Variants in MAP7D1 observed in about 807,000 individuals in gnomAD.
The protein encoded by MAP7D1 is MAP7 domain-containing protein 1.
In MAP7D1, 30 loss-of-function variants were observed where a neutral mutation model predicts 97.5. The ratio of observed to expected loss-of-function variants is 0.31; its 90% CI spans 0.23 to 0.42. MAP7D1 has a LOEUF of 0.42. Ranked by LOEUF, MAP7D1 falls within the 10% of genes least tolerant of loss-of-function variation. The probability of loss-of-function intolerance (pLI) is 1.00; values close to 1 mark genes in which losing one functional copy is unlikely to be tolerated. For synonymous variants in MAP7D1, 536 were observed against 477.1 expected (o/e 1.12, Z -1.61); for missense variants, 1,184 against 1,179.5 (o/e 1.00, Z -0.06).
chr1:36,163,522 A>G (rs1415329142), intron 1 of MAP7D1, among the ~76,000 whole-genome samples: 2 of 152,242 alleles, frequency 1.3e-5, no homozygotes, highest in East Asian at 1.9e-4. Context: ...GATTTGCTCC[A>G]TAACACTGTG....
At chr1:36,156,536 G>C (rs1644332005) in intron 1 of MAP7D1, 73 bp downstream of exon 1, 6 of 1,254,916 alleles carry the variant, frequency 4.8e-6, no homozygotes, top group South Asian at 3.9e-5. Context: ...GATGAGGCCG[G>C]CCGGCTGGGC....
rs537317157 is a variant in MAP7D1, at chr1:36,159,054, A to G, written c.46+2591A>G. 7.5e-4 allele frequency among the ~76,000 whole-genome samples: 114 copies of G among 151,368 alleles called. 1 individual carries two copies. Among genetic ancestry groups the G allele is most frequent in the Admixed American group, 5.1e-3 (77 of 15,188 alleles). ...CCATTTGTTATTTATTTATTTATTT[A>G]TTTATTTATTTATTTATTTTGAGAC... On this transcript the variant is annotated intron_variant, in intron 1 of 16. Coordinates refer to ENST00000474796, the MANE Select transcript of MAP7D1 (RefSeq NM_001388490.1). The surrounding 1 kb of genome is among the most constrained non-coding windows in gnomAD (Gnocchi z 5.4).
At position 36,156,355 on chromosome 1, in the gene MAP7D1, C is replaced by T; in HGVS notation, c.-63C>T. 7.1e-7 allele frequency: 1 copy of T among 1,418,032 alleles called. No individual in the cohort carries two copies. The highest frequency in any genetic ancestry group is 3.0e-5 in the East Asian group (1 of 33,290). 87.8% of individuals were successfully genotyped at this position (1,418,032 alleles called of 1,614,324 possible). On this transcript the variant is annotated 5_prime_UTR_variant, in exon 1 of 17. Coordinates refer to ENST00000474796, the MANE Select transcript of MAP7D1 (RefSeq NM_001388490.1). ...CGTGATGCGCCGCGGGACCCCTGTC[C>T]TGGCCACTGGCCGCCGCCGCCGCCG...
Position 36,180,313 on chromosome 1 carries a change from C to G in MAP7D1, c.*55C>G. 1 of 1,612,132 alleles carries G rather than the reference C, an allele frequency of 6.2e-7. No homozygotes were observed. The highest frequency in any genetic ancestry group is 8.5e-7 in the Non-Finnish European group (1 of 1,178,168). On this transcript the variant is annotated 3_prime_UTR_variant, in exon 17 of 17. Transcript: ENST00000474796. The stretch of plus-strand genomic sequence containing the variant: ...GTGAGGGCTCCTCTGCATCACCTAC[C>G]AGGATGTCTGGAGGAGAAAAAGACA...
rs112638931 is a variant in MAP7D1 at position 36,179,512 on chromosome 1, C to G, written c.2185-3C>G. ...GCCTGACTGCTCTTCCTCTTCAAAG[C>G]AGAAGCAGGACAGCAAGGAGGCCAA... On this transcript the variant is annotated splice_polypyrimidine_tract_variant and splice_region_variant and intron_variant, in intron 13 of 16. Transcript: ENST00000474796. 6.3e-7 allele frequency: 1 copy of G among 1,580,290 alleles called. No individual in the cohort carries two copies. The highest frequency in any genetic ancestry group is 8.6e-7 in the Non-Finnish European group (1 of 1,162,230).
In MAP7D1 at chr1:36,179,920, C is replaced by G; in HGVS notation, c.2365C>G (p.Pro789Ala). 6.2e-7 allele frequency: 1 copy of G among 1,614,148 alleles called. No homozygotes were observed. The highest frequency in any genetic ancestry group is 8.5e-7 in the Non-Finnish European group (1 of 1,179,994). ...AGCGTCCCTGGTGAATGGCCTGCAG[C>G]CTCTCCCAGCACACCAGGAGAATGG... ...LPASLVNGLQ[P>A]LPAHQENGFS... is the part of the protein sequence containing the mutation. The change falls in exon 16 of 17, where the codon CCT becomes GCT. Residue 789 changes from proline (P) to alanine (A), a missense_variant. By Grantham distance (27) the Pro-to-Ala change is conservative. Coordinates refer to ENST00000474796, the MANE Select transcript of MAP7D1 (RefSeq NM_001388490.1).
Position 36,176,753 on chromosome 1 carries a change from C to T in MAP7D1, c.1290C>T (p.Ala430=). The change falls in exon 8 of 17, where the codon GCC becomes GCT. Residue 430 remains alanine (A), a synonymous_variant. Transcript: ENST00000474796. The surrounding 1 kb of genome is among the most constrained non-coding windows in gnomAD (Gnocchi z 6.1). ...KERENEKEKS[A]LARERSLKKR... is the part of the protein sequence containing the mutation. The stretch of plus-strand genomic sequence containing the variant: ...GGGAAAACGAGAAGGAGAAGAGTGC[C>T]CTAGCCCGGGAGCGCAGCCTCAAGA... The T allele has an allele frequency of 5.6e-6, 9 of 1,604,416 alleles. No homozygotes were observed. Among genetic ancestry groups the T allele is most frequent in the Non-Finnish European group, 7.7e-6 (9 of 1,176,246 alleles).
chr1:36,179,027 T>G lies in MAP7D1; in HGVS notation c.2130+2T>G. The G allele has an allele frequency of 6.8e-7, 1 of 1,463,590 alleles. No individual in the cohort carries two copies. Among genetic ancestry groups the G allele is most frequent in the Non-Finnish European group, 9.1e-7 (1 of 1,099,302 alleles). The allele number at this position is 1,463,590 out of a possible 1,614,324, so 90.7% of individuals were successfully genotyped here. A position where few individuals can be genotyped will look rare whatever the true frequency, so the allele number is the denominator to read the frequency against. On this transcript the variant is annotated splice_donor_variant, in intron 12 of 16. Coordinates refer to ENST00000474796, the MANE Select transcript of MAP7D1 (RefSeq NM_001388490.1). LOFTEE classifies it high-confidence loss of function. The stretch of plus-strand genomic sequence containing the variant: ...CAAGAGCGGCAAGAGCGCAGAAAGG[T>G]GTGCGGACCTGGGCGGGGATTTGTG...
chr1:36,169,292 C>G (rs1644511435), intron 1 of MAP7D1, among the ~76,000 whole-genome samples: 1 of 150,530 alleles, frequency 6.6e-6, no homozygotes, highest in Admixed American at 6.6e-5. Context: ...GGCAGTGGCT[C>G]ACGCCTGTAA....
chr1:36,165,241 A>G (rs1167686832), intron 1 of MAP7D1, among the ~76,000 whole-genome samples: 1 of 152,016 alleles, frequency 6.6e-6, no homozygotes, highest in Non-Finnish European at 1.5e-5. Flanking sequence ...CTCCTGCCTT[A>G]GCATCCTAAC....
rs531716484 is a variant in MAP7D1 at position 36,176,140 on chromosome 1, C to T, written c.851-59C>T. The T allele has an allele frequency of 3.8e-6, 6 of 1,578,986 alleles. No homozygotes were observed. The highest frequency in any genetic ancestry group is 2.2e-5 in the South Asian group (2 of 89,084). ...GATGGTGCCTGGTCTGCTCCCTTGC[C>T]TCTTCCTGCCTCCTACGGCCCCCAC... On this transcript the variant is annotated intron_variant, in intron 6 of 16. Coordinates refer to ENST00000474796, the MANE Select transcript of MAP7D1 (RefSeq NM_001388490.1). The surrounding 1 kb of genome is among the most constrained non-coding windows in gnomAD (Gnocchi z 6.1).
At chr1:36,171,692 G>A in intron 3 of MAP7D1, 111 bp downstream of exon 3, 2 of 1,171,746 alleles carry the variant, frequency 1.7e-6, no homozygotes, top group Admixed American at 2.0e-5. Context: ...CAGCACTTTG[G>A]GAGGCCGAGG....
intron 4 of MAP7D1, among the ~76,000 whole-genome samples, chr1:36,173,094 G>C (rs1439516091): frequency 1.3e-5 from 2 of 152,206 alleles, no homozygotes; most frequent in Non-Finnish European, 2.9e-5. Context: ...CCCCAGGTAG[G>C]GGGAGTCCAC....
At chr1:36,170,522 T>C (rs1398357591) in intron 1 of MAP7D1, among the ~76,000 whole-genome samples, 1 of 152,162 alleles carries the variant, frequency 6.6e-6, no homozygotes, top group Admixed American at 6.5e-5. Flanking sequence ...CACGAATAAG[T>C]GCTACAAGCT....
rs1034286439 is a variant in MAP7D1, at chr1:36,180,342, C to T, written c.*84C>T. ...ATGTCTGGAGGAGAAAAAGACAGAA[C>T]AAAGATGGAAGTGGCCTGGGCCCCT... is the stretch of plus-strand genomic sequence containing the variant. On this transcript the variant is annotated 3_prime_UTR_variant, in exon 17 of 17. Coordinates refer to ENST00000474796, the MANE Select transcript of MAP7D1 (RefSeq NM_001388490.1). The T allele has an allele frequency of 3.1e-6, 5 of 1,597,528 alleles. No individual in the cohort carries two copies. In the African/African-American group the frequency reaches 6.7e-5, roughly 21 times the overall value.
At chr1:36,161,269 G>T (rs1644405293) in intron 1 of MAP7D1, among the ~76,000 whole-genome samples, 1 of 152,174 alleles carries the variant, frequency 6.6e-6, no homozygotes, top group Non-Finnish European at 1.5e-5. Flanking sequence ...TCCAGGCCAG[G>T]GATAATGCTG....
intron 5 of MAP7D1, 94 bp from the exon 6 acceptor site, chr1:36,174,804 C>T: frequency 1.5e-6 from 1 of 663,202 alleles, no homozygotes; most frequent in Admixed American, 2.1e-5. Flanking sequence ...CCCTCTCCCA[C>T]CCCGCCCTCG....
In MAP7D1 at chr1:36,156,333, G is replaced by C; in HGVS notation, c.-85G>C. Reference sequence around the variant, plus strand: ...TGCCGGGCCGGGCCGGGCCGGGCGTGATGCGCCGCGGGACCCCTGTCCTGG... The same window carrying C: ...TGCCGGGCCGGGCCGGGCCGGGCGTCATGCGCCGCGGGACCCCTGTCCTGG... On this transcript the variant is annotated 5_prime_UTR_variant, in exon 1 of 17. Coordinates refer to ENST00000474796, the MANE Select transcript of MAP7D1 (RefSeq NM_001388490.1). The C allele has an allele frequency of 8.2e-7, 1 of 1,220,510 alleles. No individual in the cohort carries two copies. The highest frequency in any genetic ancestry group is 1.1e-6 in the Non-Finnish European group (1 of 922,904). 75.6% of individuals were successfully genotyped at this position (1,220,510 alleles called of 1,614,324 possible). A position where few individuals can be genotyped will look rare whatever the true frequency, so the allele number is the denominator to read the frequency against.
chr1:36,179,586 T>A, intron 14 of MAP7D1, 29 bp downstream of exon 14: 1 of 1,556,098 alleles, frequency 6.4e-7, no homozygotes, highest in Non-Finnish European at 8.7e-7. Flanking sequence ...TCGCCTCCCT[T>A]CCCTTTGCCA....
Sources: gnomAD v4.1 joint callset for allele counts (sites outside exome capture counted in the v4.1 genomes callset) on GRCh38, gnomAD v4.1.1 for gene constraint, Gnocchi (gnomAD v3.1) non-coding constraint, MANE v1.5 for transcripts, NCBI Gene and HGNC (gene_info 2026-07-23, HGNC 2026-07-21) for gene names.